The following CMIP variants were observed in gnomAD, a reference collection of about 807,000 sequenced individuals.
CMIP encodes the protein c-Maf inducing protein, also known as C-Maf-inducing protein.
A neutral mutation model predicts 97.3 loss-of-function variants in CMIP; 13 were observed. The ratio of observed to expected loss-of-function variants is 0.13; its 90% CI spans 0.09 to 0.21. CMIP has a LOEUF of 0.21. Ranked by LOEUF, CMIP falls within the 10% of genes least tolerant of loss-of-function variation. The pLI, the probability that CMIP is intolerant of heterozygous loss-of-function variation, is 1.00. For missense variants in CMIP, 847 were observed against 1,024.9 expected (o/e 0.83, Z 2.37); for synonymous variants, 538 against 436.3 (o/e 1.23, Z -2.91).
At chr16:81,560,146 TAA>T (rs71146020) in intron 1 of CMIP, among the ~76,000 whole-genome samples, 2 of 110,046 alleles carry the variant, frequency 1.8e-5, no homozygotes, top group Admixed American at 9.3e-5. Context: ...GACTCTGTCT[TAA>T]AAAAAAAAAA....
intron 10 of CMIP, among the ~76,000 whole-genome samples, chr16:81,684,649 C>G (rs1262128094): frequency 3.9e-5 from 6 of 152,236 alleles, no homozygotes; most frequent in Non-Finnish European, 8.8e-5. Flanking sequence ...GTCTGAACCT[C>G]TCTGGACCTC....
intron 1 of CMIP, among the ~76,000 whole-genome samples, chr16:81,572,634 G>C (rs1281397468): frequency 6.6e-5 from 10 of 152,182 alleles, no homozygotes; most frequent in Admixed American, 6.5e-4. Context: ...AGGGTGCCCG[G>C]CCCGCACATG....
intron 1 of CMIP, among the ~76,000 whole-genome samples, chr16:81,545,871 G>A (rs1259694904): frequency 6.6e-6 from 1 of 152,068 alleles, no homozygotes; most frequent in East Asian, 1.9e-4. Flanking sequence ...AGCGAGCACG[G>A]GATTCCCACA....
chr16:81,670,007 G>T (rs570694418), intron 7 of CMIP, 135 bp from the exon 8 acceptor site: 4 of 736,006 alleles, frequency 5.4e-6, no homozygotes, highest in Non-Finnish European at 6.6e-6. Context: ...CAGAGGGTTG[G>T]TGTCTCCCCA....
At chr16:81,670,304 G>A in intron 8 of CMIP, 59 bp downstream of exon 8, 1 of 1,527,986 alleles carries the variant, frequency 6.5e-7, no homozygotes, top group Non-Finnish European at 8.9e-7. Context: ...CTCGGATCCT[G>A]TTTACTCAGA....
intron 2 of CMIP, among the ~76,000 whole-genome samples, chr16:81,611,840 G>A (rs2091836978): frequency 6.6e-6 from 1 of 152,236 alleles, no homozygotes; most frequent in Admixed American, 6.5e-5. Flanking sequence ...TTCAAGGAAG[G>A]CAGAGAGGAC....
At chr16:81,497,749 G>C (rs891216213) in intron 1 of CMIP, among the ~76,000 whole-genome samples, 1 of 152,260 alleles carries the variant, frequency 6.6e-6, no homozygotes, top group African/African-American at 2.4e-5. Flanking sequence ...TGGCCCTGCT[G>C]TGAAGCCACA....
At chr16:81,570,563 A>G (rs1475308198) in intron 1 of CMIP, among the ~76,000 whole-genome samples, 1 of 151,884 alleles carries the variant, frequency 6.6e-6, no homozygotes, top group African/African-American at 2.4e-5. Context: ...GCCCCACCCT[A>G]CCCCTGTGGG....
intron 2 of CMIP, among the ~76,000 whole-genome samples, chr16:81,618,214 A>T (rs1191889275): frequency 6.6e-6 from 1 of 152,124 alleles, no homozygotes; most frequent in East Asian, 1.9e-4. Flanking sequence ...GGCTAAAACG[A>T]AGGTGTCAGG....
rs1038170341 is a variant in CMIP at position 81,501,547 on chromosome 16, C to T, written c.300+56006C>T. 4.1e-5 allele frequency among the ~76,000 whole-genome samples: 6 copies of T among 145,956 alleles called. 1 individual carries two copies. Among genetic ancestry groups the T allele is most frequent in the South Asian group, 4.5e-4 (2 of 4,450 alleles). On this transcript the variant is annotated intron_variant, in intron 1 of 20. Transcript: ENST00000537098. Reference sequence around the variant, plus strand: ...GCGGTAGCTGGGGGTGGAGTGGGGTCGGGGGCAGGATCTCAGGATGGGTGT... The same window carrying T: ...GCGGTAGCTGGGGGTGGAGTGGGGTTGGGGGCAGGATCTCAGGATGGGTGT...
intron 1 of CMIP, among the ~76,000 whole-genome samples, chr16:81,449,730 T>C (rs1906094405): frequency 6.6e-6 from 1 of 152,032 alleles, no homozygotes; most frequent in South Asian, 2.1e-4. Flanking sequence ...CAAAATTGTT[T>C]CCTAGACAAC....
intron 3 of CMIP, among the ~76,000 whole-genome samples, chr16:81,648,779 T>C (rs2092393901): frequency 1.0e-5 from 1 of 96,176 alleles, no homozygotes; most frequent in African/African-American, 4.5e-5. Flanking sequence ...CAAGACTCTG[T>C]CTCAGAAAAA....
chr16:81,553,068 A>T (rs1187029109), intron 1 of CMIP, among the ~76,000 whole-genome samples: 1 of 152,162 alleles, frequency 6.6e-6, no homozygotes, highest in Non-Finnish European at 1.5e-5. Flanking sequence ...AGGTGGGGAT[A>T]AATGTTGTGA....
intron 1 of CMIP, among the ~76,000 whole-genome samples, chr16:81,448,257 C>G (rs960666872): frequency 6.6e-5 from 10 of 152,260 alleles, no homozygotes; most frequent in Non-Finnish European, 1.3e-4. Flanking sequence ...ATTGTATGGG[C>G]TTCAGGAACA....
At chr16:81,504,572 G>C (rs2089670682) in intron 1 of CMIP, among the ~76,000 whole-genome samples, 1 of 142,366 alleles carries the variant, frequency 7.0e-6, no homozygotes. Context: ...GAACCCAGGA[G>C]ATGGAGGTTG....
chr16:81,707,040 A>G lies in CMIP; in HGVS notation c.2224A>G (p.Met742Val). Residue 742 changes from methionine (M) to valine (V), a missense_variant, in exon 20 of 21, where the codon ATG becomes GTG. Physicochemically the swap from Met to Val is conservative, Grantham distance 21 (BLOSUM62 1). Transcript: ENST00000537098. ...CATGAAGAGTCTCTGCAGTTTAAACATGAACAGCACCAAGCTCTCAGCTGA... is the reference window on the plus strand; with the variant it reads ...CATGAAGAGTCTCTGCAGTTTAAACGTGAACAGCACCAAGCTCTCAGCTGA... ...SSMKSLCSLNMNSTKLSADTY... is the reference protein window; with the variant it reads ...SSMKSLCSLNVNSTKLSADTY... The G allele has an allele frequency of 6.2e-7, 1 of 1,613,828 alleles. No homozygotes were observed. Among genetic ancestry groups the G allele is most frequent in the East Asian group, 2.2e-5 (1 of 44,882 alleles).
At chr16:81,588,467 G>A (rs2091417478) in intron 1 of CMIP, among the ~76,000 whole-genome samples, 2 of 152,114 alleles carry the variant, frequency 1.3e-5, no homozygotes, top group Non-Finnish European at 1.5e-5. Flanking sequence ...CATTGACCTC[G>A]TTTACGGGCA....
intron 1 of CMIP, among the ~76,000 whole-genome samples, chr16:81,502,375 T>G (rs1411991149): frequency 6.6e-6 from 1 of 152,116 alleles, no homozygotes; most frequent in Non-Finnish European, 1.5e-5. Context: ...GTATTGAGTA[T>G]TCAGGACAAT....
Position 81,621,070 on chromosome 16 carries a change from G to GGGCCAGGGGCTCTTAGGT in CMIP, c.477+144_477+145insGGCCAGGGGCTCTTAGGT. On this transcript the variant is annotated intron_variant, in intron 3 of 20. Transcript: ENST00000537098. The surrounding 1 kb of genome is among the most constrained non-coding windows in gnomAD (Gnocchi z 4.1). ...TGAGGAACTTTGTTCCCCTACCTAAGAGCCCCTGGCCCTTCGTCCTCTGCT... is the reference window on the plus strand; with the variant it reads ...TGAGGAACTTTGTTCCCCTACCTAAGGGCCAGGGGCTCTTAGGTAGCCCCTGGCCCTTCGTCCTCTGCT... The GGGCCAGGGGCTCTTAGGT allele has an allele frequency of 2.2e-6, 2 of 926,834 alleles. No individual in the cohort carries two copies. Among genetic ancestry groups the GGGCCAGGGGCTCTTAGGT allele is most frequent in the Non-Finnish European group, 3.3e-6 (2 of 611,980 alleles). 57.4% of individuals were successfully genotyped at this position (926,834 alleles called of 1,614,324 possible).
Sources: allele counts gnomAD v4.1 joint callset (sites outside exome capture counted in the v4.1 genomes callset), GRCh38; gene constraint gnomAD v4.1.1; non-coding constraint Gnocchi (gnomAD v3.1); transcripts MANE v1.5; gene names NCBI Gene and HGNC (gene_info 2026-07-23, HGNC 2026-07-21).